The following ADAMTSL3 variants were observed in gnomAD, a reference collection of about 807,000 sequenced individuals.
The protein encoded by ADAMTSL3 is ADAMTS like 3, also known as ADAMTS-like protein 3.
Under a neutral mutation model 201.7 loss-of-function variants are expected in ADAMTSL3, and 128 were observed. The ratio of observed to expected loss-of-function variants is 0.63; its 90% CI spans 0.55 to 0.73. The LOEUF (loss-of-function observed/expected upper bound fraction) is 0.73, where lower values mean the gene tolerates loss of function less well. Among genes scored for constraint, ADAMTSL3 ranks in the 30% least tolerant of loss-of-function variants. The pLI is 0.00. For missense variants in ADAMTSL3, 1,990 were observed against 2,119.6 expected (o/e 0.94, Z 1.20); for synonymous variants, 738 against 748.4 (o/e 0.99, Z 0.23).
chr15:83,912,293 A>T (rs564133575), intron 15 of ADAMTSL3, among the ~76,000 whole-genome samples: 10 of 152,348 alleles, frequency 6.6e-5, no homozygotes, highest in African/African-American at 2.4e-4. Flanking sequence ...GTGTGGTTAT[A>T]TTCCAGTAAA....
Position 83,913,080 on chromosome 15 carries a change from G to C in ADAMTSL3, c.1701-12G>C. The C allele has an allele frequency of 6.2e-7, 1 of 1,610,154 alleles. No homozygotes were observed. The highest frequency in any genetic ancestry group is 8.5e-7 in the Non-Finnish European group (1 of 1,177,260). ...CAGTGTCCTTTTCTGGTGGCTTCCT[G>C]GTTTTCCCTAGGTTCATTCCAGAAC... On this transcript the variant is annotated splice_polypyrimidine_tract_variant and intron_variant, in intron 15 of 29. Coordinates refer to ENST00000286744, the MANE Select transcript of ADAMTSL3 (RefSeq NM_207517.3).
chr15:83,812,086 G>A (rs987176726), intron 5 of ADAMTSL3, among the ~76,000 whole-genome samples: 4 of 152,212 alleles, frequency 2.6e-5, no homozygotes, highest in Non-Finnish European at 5.9e-5. Context: ...AGTGCCATAA[G>A]TGGATGTAAC....
intron 2 of ADAMTSL3, among the ~76,000 whole-genome samples, chr15:83,666,978 G>A (rs1414743338): frequency 6.6e-6 from 1 of 151,296 alleles, no homozygotes; most frequent in African/African-American, 2.4e-5. Flanking sequence ...ATCTTATGTT[G>A]CAAATAATTT....
At chr15:83,745,926 C>A (rs2062538528) in intron 3 of ADAMTSL3, among the ~76,000 whole-genome samples, 1 of 152,146 alleles carries the variant, frequency 6.6e-6, no homozygotes, top group South Asian at 2.1e-4. Context: ...CACATAATCT[C>A]TTCTTTAATT....
intron 17 of ADAMTSL3, among the ~76,000 whole-genome samples, chr15:83,929,625 A>G (rs2066314274): frequency 6.6e-6 from 1 of 151,984 alleles, no homozygotes; most frequent in Non-Finnish European, 1.5e-5. Flanking sequence ...AACAGCATAT[A>G]AATGCCTTTG....
In ADAMTSL3 at chr15:83,991,619, A is replaced by G. The variant is rs187650934; in HGVS notation, c.3973+405A>G. On this transcript the variant is annotated intron_variant, in intron 23 of 29. Transcript: ENST00000286744. ...GTAAGACATGTCCTCTAGATAGACAAAAGCTACACTTGGCAAAGCCAGATC... is the reference window on the plus strand; with the variant it reads ...GTAAGACATGTCCTCTAGATAGACAGAAGCTACACTTGGCAAAGCCAGATC... 4.2e-3 allele frequency among the ~76,000 whole-genome samples: 644 copies of G among 152,338 alleles called. 5 individuals carry two copies. The highest frequency in any genetic ancestry group is 3.9e-3 in the Non-Finnish European group (264 of 68,038).
intron 21 of ADAMTSL3, among the ~76,000 whole-genome samples, chr15:83,985,624 G>T (rs2067460862): frequency 6.6e-6 from 1 of 152,040 alleles, no homozygotes; most frequent in Non-Finnish European, 1.5e-5. Flanking sequence ...CTTCATTAAA[G>T]ACATTTCTTT....
At chr15:83,710,259 T>C (rs761462865) in intron 3 of ADAMTSL3, among the ~76,000 whole-genome samples, 1 of 152,188 alleles carries the variant, frequency 6.6e-6, no homozygotes, top group Non-Finnish European at 1.5e-5. Flanking sequence ...TTGACTAATT[T>C]AGCGTTTGCT....
chr15:83,812,473 T>C (rs1484315352), intron 5 of ADAMTSL3, among the ~76,000 whole-genome samples: 1 of 152,224 alleles, frequency 6.6e-6, no homozygotes, highest in Non-Finnish European at 1.5e-5. Flanking sequence ...CAAACATGCC[T>C]ACACCTATAC....
At chr15:83,786,963 G>C (rs557844968) in intron 4 of ADAMTSL3, among the ~76,000 whole-genome samples, 1 of 152,166 alleles carries the variant, frequency 6.6e-6, no homozygotes, top group South Asian at 2.1e-4. Context: ...TACATGTGAT[G>C]AGGACCCAAA....
At chr15:83,988,624 A>C in intron 21 of ADAMTSL3, 67 bp from the exon 22 acceptor site, 1 of 1,374,824 alleles carries the variant, frequency 7.3e-7, no homozygotes, top group Non-Finnish European at 9.7e-7. Context: ...CTTTCTCTGC[A>C]ACTCACTGTA....
intron 6 of ADAMTSL3, 121 bp from the exon 7 acceptor site, chr15:83,837,968 C>A: frequency 8.3e-7 from 1 of 1,200,566 alleles, no homozygotes; most frequent in Non-Finnish European, 1.1e-6. Context: ...AAACTATGTT[C>A]TCATAAAAGA....
In ADAMTSL3 at chr15:83,674,766, C is replaced by CATATAT. The variant is rs377132060; in HGVS notation, c.69+18954_69+18959dup. Reference sequence around the variant, plus strand: ...ATATACATATATACACACATATATACATATATATATATATATATATATAAA... The same window carrying CATATAT: ...ATATACATATATACACACATATATACATATATATATATATATATATATATATATAAA... On this transcript the variant is annotated intron_variant, in intron 2 of 29. Transcript: ENST00000286744. 6.5e-4 allele frequency among the ~76,000 whole-genome samples: 45 copies of CATATAT among 68,868 alleles called. 1 individual carries two copies. Among genetic ancestry groups the CATATAT allele is most frequent in the Admixed American group, 1.2e-3 (7 of 5,846 alleles). The allele number at this position is 68,868 out of a possible 152,430, so 45.2% of individuals were successfully genotyped here. A position where few individuals can be genotyped will look rare whatever the true frequency, so the allele number is the denominator to read the frequency against.
chr15:83,798,745 T>G (rs2063470341), intron 4 of ADAMTSL3, among the ~76,000 whole-genome samples: 1 of 140,616 alleles, frequency 7.1e-6, no homozygotes, highest in Non-Finnish European at 1.5e-5. Flanking sequence ...AGGCAGAGGT[T>G]GCAGGGAGCT....
chr15:83,829,624 A>G (rs1484746947), intron 6 of ADAMTSL3, among the ~76,000 whole-genome samples: 5 of 152,098 alleles, frequency 3.3e-5, no homozygotes, highest in South Asian at 4.1e-4. Context: ...ATGTTAGGGT[A>G]TCAATTTTAG....
At chr15:83,900,252 A>T (rs1202105566) in intron 15 of ADAMTSL3, among the ~76,000 whole-genome samples, 5 of 152,214 alleles carry the variant, frequency 3.3e-5, no homozygotes, top group Non-Finnish European at 7.3e-5. Flanking sequence ...CTCCTTACCT[A>T]TAAAAGGAGC....
At chr15:83,933,741 CCTTTGCTG>C (rs1429527349) in intron 17 of ADAMTSL3, among the ~76,000 whole-genome samples, 1 of 152,190 alleles carries the variant, frequency 6.6e-6, no homozygotes, top group Non-Finnish European at 1.5e-5. Context: ...AGTCCCAGGG[CCTTTGCTG>C]CTTTGTGCAG....
At chr15:83,837,872 C>A (rs2064305546) in intron 6 of ADAMTSL3, among the ~76,000 whole-genome samples, 1 of 150,678 alleles carries the variant, frequency 6.6e-6, no homozygotes, top group Non-Finnish European at 1.5e-5. Flanking sequence ...GGGACAGCTT[C>A]AAATCTTAAT....
At chr15:83,871,684 T>G (rs1191460927) in intron 9 of ADAMTSL3, among the ~76,000 whole-genome samples, 1 of 152,208 alleles carries the variant, frequency 6.6e-6, no homozygotes, top group Admixed American at 6.5e-5. Context: ...TGGATACTGC[T>G]GGGGCATCTT....
Sources: gnomAD v4.1 joint callset for allele counts (sites outside exome capture counted in the v4.1 genomes callset) on GRCh38, gnomAD v4.1.1 for gene constraint, MANE v1.5 for transcripts, NCBI Gene and HGNC (gene_info 2026-07-23, HGNC 2026-07-21) for gene names.